Variants in FBXO34 observed in about 807,000 individuals in gnomAD.
FBXO34 encodes the protein F-box only protein 34.
Under a neutral mutation model 24.5 loss-of-function variants are expected in FBXO34, and 12 were observed. That is an observed-to-expected ratio of 0.49 (90% CI 0.31 to 0.79). FBXO34 has a LOEUF of 0.79. FBXO34 is among the 30% of genes least tolerant of loss of function. The pLI is 0.04. For missense variants in FBXO34, 823 were observed against 857.7 expected, an observed-to-expected ratio of 0.96 and a Z score of 0.51; for synonymous variants, 320 against 311.9, an observed-to-expected ratio of 1.03 and a Z score of -0.27.
the FBXO34 span, among the ~76,000 whole-genome samples, chr14:55,384,996 A>G: frequency 2.6e-5 from 4 of 152,220 alleles, no homozygotes; most frequent in Non-Finnish European, 5.9e-5. Context: ...CTGTCCCACC[A>G]GGGGTTATCC....
In FBXO34 at chr14:55,351,437, T is replaced by C. The variant is rs1884368286; in HGVS notation, c.1047T>C (p.Asp349=). 3 of 1,614,180 alleles carry C rather than the reference T, an allele frequency of 1.9e-6. No individual in the cohort carries two copies. Among genetic ancestry groups the C allele is most frequent in the South Asian group, 2.2e-5 (2 of 91,080 alleles). ...ATCCTGTGGGGTCTGTATCTGTGGATTGTGGCCCTTCAAGAGCTGATCGTT... is the reference window on the plus strand; with the variant it reads ...ATCCTGTGGGGTCTGTATCTGTGGACTGTGGCCCTTCAAGAGCTGATCGTT... The part of the protein sequence containing the change: ...QVNPVGSVSV[D]CGPSRADRCS... The change falls in exon 2 of 2, where the codon GAT becomes GAC. Residue 349 remains aspartate (D), a synonymous_variant. Transcript: ENST00000313833.
chr14:55,349,875 G>A (rs1407384077), intron 1 of FBXO34, among the ~76,000 whole-genome samples: 2 of 151,936 alleles, frequency 1.3e-5, no homozygotes, highest in African/African-American at 4.8e-5. Flanking sequence ...CCAAAGTGCT[G>A]GGATTACAGA....
At chr14:55,293,558 A>G (rs1882017793) in intron 1 of FBXO34, among the ~76,000 whole-genome samples, 1 of 152,092 alleles carries the variant, frequency 6.6e-6, no homozygotes, top group Non-Finnish European at 1.5e-5. Flanking sequence ...TGAGTACAGT[A>G]TCGTCTCACT....
the FBXO34 span, chr14:55,428,732 A>G: frequency 6.9e-7 from 1 of 1,445,322 alleles, no homozygotes; most frequent in Non-Finnish European, 9.4e-7. Flanking sequence ...TCTGAAAGAT[A>G]CTTTACGTAA....
At chr14:55,370,877 G>A (rs1487074197), downstream of FBXO34, among the ~76,000 whole-genome samples, 1 of 152,132 alleles carries the variant, frequency 6.6e-6, no homozygotes, top group Non-Finnish European at 1.5e-5. Flanking sequence ...CTGACCTCAA[G>A]TGATCCACCC....
chr14:55,363,566 T>A (rs1045909226), downstream of FBXO34, among the ~76,000 whole-genome samples: 2 of 152,094 alleles, frequency 1.3e-5, no homozygotes, highest in African/African-American at 2.4e-5. Context: ...TGACTTCAGG[T>A]GATCCACCCA....
the FBXO34 span, chr14:55,391,127 G>GT: frequency 2.5e-5 from 15 of 603,614 alleles, no homozygotes; most frequent in Middle Eastern, 4.6e-4. Context: ...TATAGCTTTT[G>GT]TAACTATGGA....
chr14:55,367,692 G>A (rs3783649), exon 3 of FBXO34: 45,655 of 151,420 alleles, frequency 0.3, 7,195 homozygotes, highest in Non-Finnish European at 0.34. Context: ...TGCAGTGAGC[G>A]GAGATGGTGC....
At chr14:55,385,573 G>T in the FBXO34 span, among the ~76,000 whole-genome samples, 4 of 152,324 alleles carry the variant, frequency 2.6e-5, no homozygotes, top group South Asian at 8.3e-4. Flanking sequence ...GATTATAGGC[G>T]TGAGCCACCA....
At chr14:55,310,054 GA>G (rs1447950937) in intron 1 of FBXO34, among the ~76,000 whole-genome samples, 6 of 152,142 alleles carry the variant, frequency 3.9e-5, no homozygotes, top group Non-Finnish European at 8.8e-5. Flanking sequence ...ACTCAGGATG[GA>G]AAAAGTAAGC....
At chr14:55,411,625 G>A in the FBXO34 span, 2 of 1,611,990 alleles carry the variant, frequency 1.2e-6, no homozygotes, top group Non-Finnish European at 1.7e-6. Context: ...GGCCGTCGAA[G>A]TAGACGAAAT....
chr14:55,429,708 G>A, the FBXO34 span, among the ~76,000 whole-genome samples: 3 of 138,956 alleles, frequency 2.2e-5, no homozygotes, highest in African/African-American at 7.8e-5. Flanking sequence ...AGAGGTTGCA[G>A]TGAGCTGAGA....
At chr14:55,421,853 T>C in the FBXO34 span, among the ~76,000 whole-genome samples, 1 of 152,226 alleles carries the variant, frequency 6.6e-6, no homozygotes, top group Admixed American at 6.5e-5. Flanking sequence ...AAAACAGACA[T>C]GTCATTTTGC....
the FBXO34 span, among the ~76,000 whole-genome samples, chr14:55,425,857 TGGGCAA>T: frequency 1.6e-4 from 24 of 152,370 alleles, no homozygotes; most frequent in South Asian, 4.8e-3. Flanking sequence ...GATCTCTATG[TGGGCAA>T]GGGACTATAG....
intron 1 of FBXO34, among the ~76,000 whole-genome samples, chr14:55,283,832 T>TA (rs779384217): frequency 1.3e-5 from 2 of 152,186 alleles, no homozygotes; most frequent in Non-Finnish European, 2.9e-5. Flanking sequence ...AATTGGTTAT[T>TA]AAAGTCCAAA....
chr14:55,301,861 C>T (rs964728976), intron 1 of FBXO34, among the ~76,000 whole-genome samples: 3 of 152,196 alleles, frequency 2.0e-5, no homozygotes, highest in African/African-American at 4.8e-5. Flanking sequence ...GTGTACCATA[C>T]CACAGTCTAC....
chr14:55,283,434 A>G (rs1006688896), intron 1 of FBXO34, among the ~76,000 whole-genome samples: 20 of 151,878 alleles, frequency 1.3e-4, no homozygotes, highest in Middle Eastern at 3.4e-3. Context: ...TCTTTGGCAA[A>G]TAGCAGTCTG....
intron 1 of FBXO34, among the ~76,000 whole-genome samples, chr14:55,302,592 G>A (rs991095838): frequency 1.3e-5 from 2 of 151,644 alleles, no homozygotes; most frequent in Non-Finnish European, 2.9e-5. Context: ...CACTTGGCCC[G>A]TATTATCTTG....
At chr14:55,377,686 G>GTATTGGACTCCAC in the FBXO34 span, 1 of 544,194 alleles carries the variant, frequency 1.8e-6, no homozygotes, top group Non-Finnish European at 3.2e-6. Flanking sequence ...GTTTCTTTCT[G>GTATTGGACTCCAC]TATTGGACTC....
Sources: allele counts gnomAD v4.1 joint callset (sites outside exome capture counted in the v4.1 genomes callset), GRCh38; gene constraint gnomAD v4.1.1; transcripts MANE v1.5; gene names NCBI Gene and HGNC (gene_info 2026-07-23, HGNC 2026-07-21).